The following CBL variants were observed in gnomAD, a reference collection of about 807,000 sequenced individuals.
CBL encodes the protein Cbl proto-oncogene, also known as E3 ubiquitin-protein ligase CBL.
A neutral mutation model predicts 96.9 loss-of-function variants in CBL; 45 were observed. That is an observed-to-expected ratio of 0.46 (90% CI 0.37 to 0.60). The LOEUF (loss-of-function observed/expected upper bound fraction) is 0.60, where lower values mean the gene tolerates loss of function less well. Among genes scored for constraint, CBL ranks in the 20% least tolerant of loss-of-function variants. The pLI, the probability that CBL is intolerant of heterozygous loss-of-function variation, is 0.00. For synonymous variants in CBL, 420 were observed against 426.8 expected, an observed-to-expected ratio of 0.98 and a Z score of 0.20; for missense variants, 1,024 against 1,143.5, an observed-to-expected ratio of 0.90 and a Z score of 1.51.
intron 2 of CBL, among the ~76,000 whole-genome samples, chr11:119,249,328 G>C (rs751082592): frequency 6.6e-6 from 1 of 152,140 alleles, no homozygotes; most frequent in Admixed American, 6.6e-5. Flanking sequence ...GGCCAAGCAG[G>C]GCAGAACACT....
In CBL at chr11:119,251,658, A is replaced by G. The variant is rs557742830; in HGVS notation, c.443+18963A>G. Among the ~76,000 whole-genome samples, 61 of 152,340 alleles carry G rather than the reference A, an allele frequency of 4.0e-4. 1 individual carries two copies. The South Asian group carries it at 9.3e-3, about 23-fold the overall frequency. On this transcript the variant is annotated intron_variant, in intron 2 of 15. Transcript: ENST00000264033. ...TCACATAACGAGAGTTTCACTCCTG[A>G]AATTTCTAATGGAACATAGGCTAGA...
intron 1 of CBL, among the ~76,000 whole-genome samples, chr11:119,228,407 A>C (rs529503622): frequency 1.3e-5 from 2 of 152,222 alleles, no homozygotes; most frequent in Admixed American, 1.3e-4. Flanking sequence ...GGAGTTTGAG[A>C]CCAGCCTGGC....
At chr11:119,265,215 C>T (rs1433638423) in intron 2 of CBL, among the ~76,000 whole-genome samples, 1 of 152,172 alleles carries the variant, frequency 6.6e-6, no homozygotes, top group Non-Finnish European at 1.5e-5. Flanking sequence ...GTTTTGTTTC[C>T]TTCTCTTTTT....
rs1421407887 is a variant in CBL, at chr11:119,278,174, T to C, written c.1104T>C (p.Tyr368=). 6.3e-7 allele frequency: 1 copy of C among 1,598,516 alleles called. No individual in the cohort carries two copies. Among genetic ancestry groups the C allele is most frequent in the East Asian group, 2.2e-5 (1 of 44,812 alleles). ...ATTTTTTTTAATCAAAGGAACAATATGAATTATACTGTGAGATGGGCTCCA... is the reference window on the plus strand; with the variant it reads ...ATTTTTTTTAATCAAAGGAACAATACGAATTATACTGTGAGATGGGCTCCA... ...QDHIKVTQEQ[Y]ELYCEMGSTF... The change falls in exon 8 of 16, where the codon TAT becomes TAC. Residue 368 remains tyrosine, a synonymous_variant. Coordinates refer to ENST00000264033, the MANE Select transcript of CBL (RefSeq NM_005188.4).
At chr11:119,274,714 T>A (rs758067705) in intron 4 of CBL, 118 bp from the exon 5 acceptor site, 6 of 914,792 alleles carry the variant, frequency 6.6e-6, no homozygotes, top group South Asian at 1.4e-5. Flanking sequence ...AGTGATGGTA[T>A]AATTAAAAAT....
chr11:119,210,796 G>C (rs1170421492), intron 1 of CBL, among the ~76,000 whole-genome samples: 1 of 151,832 alleles, frequency 6.6e-6, no homozygotes, highest in African/African-American at 2.4e-5. Flanking sequence ...AAATAGAACA[G>C]AGGTTGGCAA....
In CBL at chr11:119,300,143, C is replaced by CGT. The variant is rs771974415; in HGVS notation, c.*375_*376dup. On this transcript the variant is annotated 3_prime_UTR_variant, in exon 16 of 16. Coordinates refer to ENST00000264033, the MANE Select transcript of CBL (RefSeq NM_005188.4). ...AGACTTCCTGGGTTAAGGATGTGGC[C>CGT]GTGTGTGTGTGTGTCTGCCTGTGGT... 54 of 491,306 alleles carry CGT rather than the reference C, an allele frequency of 1.1e-4. No individual in the cohort carries two copies. The highest frequency in any genetic ancestry group is 1.7e-4 in the East Asian group (5 of 29,142). The allele number at this position is 491,306 out of a possible 1,614,324, so 30.4% of individuals were successfully genotyped here. A position where few individuals can be genotyped will look rare whatever the true frequency, so the allele number is the denominator to read the frequency against.
intron 7 of CBL, 81 bp from the exon 8 acceptor site, chr11:119,278,085 C>A (rs2135303299): frequency 8.2e-7 from 1 of 1,216,932 alleles, no homozygotes; most frequent in Non-Finnish European, 1.2e-6. Flanking sequence ...GTATAGGAAA[C>A]AAGTCTTCAC....
intron 2 of CBL, among the ~76,000 whole-genome samples, chr11:119,258,239 C>CAAAACAA (rs1164658595): frequency 1.3e-4 from 19 of 151,928 alleles, no homozygotes; most frequent in African/African-American, 4.1e-4. Context: ...AAAAACAAAA[C>CAAAACAA]AAAACAAAAA....
At chr11:119,297,130 C>G in intron 13 of CBL, 96 bp downstream of exon 13, 1 of 797,584 alleles carries the variant, frequency 1.3e-6, no homozygotes, top group Non-Finnish European at 2.3e-6. Context: ...TACTGTTATC[C>G]AGTCAGATTA....
intron 1 of CBL, among the ~76,000 whole-genome samples, chr11:119,220,892 C>T (rs1400435863): frequency 6.6e-6 from 1 of 150,762 alleles, no homozygotes; most frequent in African/African-American, 2.5e-5. Flanking sequence ...GGGCTATTGT[C>T]TAGTGATGAC....
At chr11:119,296,715 C>G (rs1950064417) in intron 12 of CBL, among the ~76,000 whole-genome samples, 1 of 152,166 alleles carries the variant, frequency 6.6e-6, no homozygotes, top group South Asian at 2.1e-4. Flanking sequence ...AAAGCTGCAC[C>G]TTTGGTCAGT....
intron 12 of CBL, among the ~76,000 whole-genome samples, chr11:119,288,842 G>A (rs753344573): frequency 6.6e-6 from 1 of 152,104 alleles, no homozygotes; most frequent in African/African-American, 2.4e-5. Context: ...AAATCTATGC[G>A]CACACTGAGA....
intron 3 of CBL, among the ~76,000 whole-genome samples, chr11:119,272,872 AC>A (rs1471752974): frequency 6.6e-6 from 1 of 152,016 alleles, no homozygotes; most frequent in African/African-American, 2.4e-5. Context: ...TCTGTGGCTT[AC>A]CTTTTCCGTT....
intron 2 of CBL, among the ~76,000 whole-genome samples, chr11:119,243,539 TGAA>T (rs1294194148): frequency 6.7e-6 from 1 of 148,882 alleles, no homozygotes; most frequent in Non-Finnish European, 1.5e-5. Flanking sequence ...TTTTTGCTGA[TGAA>T]GAGTAACGAT....
chr11:119,229,223 A>G (rs1388867227), intron 1 of CBL, among the ~76,000 whole-genome samples: 2 of 152,158 alleles, frequency 1.3e-5, no homozygotes, highest in Admixed American at 6.5e-5. Context: ...TTACTTTTGG[A>G]ATGTAGCACT....
chr11:119,217,836 C>T (rs976897973), intron 1 of CBL, among the ~76,000 whole-genome samples: 8 of 151,810 alleles, frequency 5.3e-5, no homozygotes, highest in Non-Finnish European at 8.8e-5. Context: ...TTTGAGAGGC[C>T]GAGGCAGGAA....
rs1950099740 is a variant in CBL at position 119,301,289 on chromosome 11, A to T, written c.*1508A>T. On this transcript the variant is annotated 3_prime_UTR_variant, in exon 16 of 16. Coordinates refer to ENST00000264033, the MANE Select transcript of CBL (RefSeq NM_005188.4). ...TGGCAGTTTGTGTAATTGCAAGTTC[A>T]TAAAGAGAATTGAGGGTCCAGTTGG... The T allele has an allele frequency of 4.3e-6, 1 of 233,152 alleles. No homozygotes were observed. Among genetic ancestry groups the T allele is most frequent in the Non-Finnish European group, 8.5e-6 (1 of 118,012 alleles). The allele number at this position is 233,152 out of a possible 1,614,324, so 14.4% of individuals were successfully genotyped here. A position where few individuals can be genotyped will look rare whatever the true frequency, so the allele number is the denominator to read the frequency against.
At chr11:119,210,489 G>A (rs190026170) in intron 1 of CBL, among the ~76,000 whole-genome samples, 1 of 152,032 alleles carries the variant, frequency 6.6e-6, no homozygotes, top group Non-Finnish European at 1.5e-5. Context: ...GAATGCAGTG[G>A]CATGATCTCG....
Sources: gnomAD v4.1 joint callset for allele counts (sites outside exome capture counted in the v4.1 genomes callset) on GRCh38, gnomAD v4.1.1 for gene constraint, MANE v1.5 for transcripts, NCBI Gene and HGNC (gene_info 2026-07-23, HGNC 2026-07-21) for gene names.